TMEM171: variants seen among roughly 807,000 people sequenced by gnomAD.
TMEM171 encodes the protein proline-rich protein PRP2.
A neutral mutation model predicts 19.1 loss-of-function variants in TMEM171; 16 were observed. The observed-to-expected ratio is 0.84, with a 90% confidence interval of 0.57 to 1.27. The LOEUF is 1.27. Ranked by LOEUF, TMEM171 falls within the 50% of genes most tolerant of loss-of-function variation. The pLI is 0.00. For synonymous variants in TMEM171, 153 were observed against 163.4 expected (o/e 0.94, Z 0.48); for missense variants, 429 against 412.7 (o/e 1.04, Z -0.34).
intron 3 of TMEM171, among the ~76,000 whole-genome samples, chr5:73,128,849 T>C (rs964696847): frequency 6.6e-6 from 1 of 152,068 alleles, no homozygotes; most frequent in African/African-American, 2.4e-5. Context: ...TCCCAGCATT[T>C]TGAGAGGCCA....
chr5:73,126,970 T>G (rs761576785), intron 2 of TMEM171, among the ~76,000 whole-genome samples: 58 of 152,160 alleles, frequency 3.8e-4, no homozygotes, highest in Non-Finnish European at 2.2e-4. Flanking sequence ...CCCTAGTTTC[T>G]CCTCAAAACA....
intron 2 of TMEM171, among the ~76,000 whole-genome samples, chr5:73,127,384 A>AAAAAAAAATATATATATATATATATATAT: frequency 3.7e-5 from 3 of 81,684 alleles, no homozygotes; most frequent in African/African-American, 6.6e-5. Context: ...AAAAAAAAAA[A>AAAAAAAAATATATATATATATATATATAT]ATATATATAT....
intron 3 of TMEM171, among the ~76,000 whole-genome samples, chr5:73,129,018 A>C (rs575856946): frequency 1.3e-5 from 2 of 152,318 alleles, no homozygotes; most frequent in Middle Eastern, 3.4e-3. Flanking sequence ...GATTGAACGC[A>C]AGAGACAGAG....
chr5:73,127,369 T>TAAAAAA lies in TMEM171; in HGVS notation c.641-1010_641-1005dup, dbSNP rs150651292. The stretch of plus-strand genomic sequence containing the variant: ...AGGCCTACTTTTAAAAAATTTGTGG[T>TAAAAAA]AAAAAAAAAAAAAAAATATATATAT... On this transcript the variant is annotated intron_variant, in intron 2 of 3. Transcript: ENST00000454765. Among the ~76,000 whole-genome samples, 68 of 97,174 alleles carry TAAAAAA rather than the reference T, an allele frequency of 7.0e-4. 2 individuals are homozygous for TAAAAAA. Among genetic ancestry groups the TAAAAAA allele is most frequent in the African/African-American group, 2.8e-3 (54 of 19,224 alleles). The allele number at this position is 97,174 out of a possible 152,430, so 63.7% of individuals were successfully genotyped here. A position where few individuals can be genotyped will look rare whatever the true frequency, so the allele number is the denominator to read the frequency against.
intron 2 of TMEM171, among the ~76,000 whole-genome samples, chr5:73,127,483 C>A (rs963792094): frequency 2.7e-5 from 4 of 149,706 alleles, no homozygotes; most frequent in African/African-American, 9.9e-5. Flanking sequence ...GTCACCCAGG[C>A]TGGAGTGCAG....
In TMEM171 at chr5:73,120,599, G is replaced by C. The variant is rs1743974729; in HGVS notation, c.-166G>C. ...CAGGACGCGCGGTGGGTAGGGTGCA[G>C]GGCGGCCGGCGCAGCCGAGGCCGCG... On this transcript the variant is annotated 5_prime_UTR_variant, in exon 1 of 4. Coordinates refer to ENST00000454765, the MANE Select transcript of TMEM171 (RefSeq NM_173490.8). 6 of 984,856 alleles carry C rather than the reference G, an allele frequency of 6.1e-6. No individual in the cohort carries two copies. In the South Asian group the frequency reaches 2.8e-4, roughly 46 times the overall value. 61.0% of individuals were successfully genotyped at this position (984,856 alleles called of 1,614,324 possible). A position where few individuals can be genotyped will look rare whatever the true frequency, so the allele number is the denominator to read the frequency against.
chr5:73,123,423 A>G lies in TMEM171; in HGVS notation c.50A>G (p.His17Arg), dbSNP rs959420898. Residue 17 changes from histidine to arginine, a missense_variant, in exon 2 of 4, where the codon CAC (histidine) becomes CGC (arginine). His to Arg is a conservative substitution (Grantham distance 29). Transcript: ENST00000454765. ...CCAGATGGGGACCAGCAGGACAGAC[A>G]CGTCAGCAAACTCATCTTCTGCTTC... The part of the protein sequence containing the change: ...AEPDGDQQDR[H>R]VSKLIFCFFV... 5 of 1,614,202 alleles carry G rather than the reference A, an allele frequency of 3.1e-6. No individual in the cohort carries two copies. The highest frequency in any genetic ancestry group is 4.2e-6 in the Non-Finnish European group (5 of 1,180,018).
At position 73,128,537 on chromosome 5, in the gene TMEM171, A is replaced by G; in HGVS notation, c.782+6A>G. 6.2e-7 allele frequency: 1 copy of G among 1,613,792 alleles called. No homozygotes were observed. Among genetic ancestry groups the G allele is most frequent in the Non-Finnish European group, 8.5e-7 (1 of 1,179,704 alleles). On this transcript the variant is annotated splice_donor_region_variant and intron_variant, in intron 3 of 3. Transcript: ENST00000454765. Reference sequence around the variant, plus strand: ...TACAGTATTTTCAACTATGGGTAAGAATTTCAATTTGAACTTCAAGAGAGG... The same window carrying G: ...TACAGTATTTTCAACTATGGGTAAGGATTTCAATTTGAACTTCAAGAGAGG...
In TMEM171 at chr5:73,131,548, A is replaced by C. The variant is rs768879737; in HGVS notation, c.793A>C (p.Thr265Pro). The C allele has an allele frequency of 6.3e-7, 1 of 1,595,874 alleles. No individual in the cohort carries two copies. The highest frequency in any genetic ancestry group is 8.5e-7 in the Non-Finnish European group (1 of 1,172,604). The change falls in exon 4 of 4, where the codon ACT becomes CCT. Residue 265 changes from threonine to proline, a missense_variant. Coordinates refer to ENST00000454765, the MANE Select transcript of TMEM171 (RefSeq NM_173490.8). Reference protein sequence around the residue: ...YSIFNYGRTPTSEGAASERDC... With the variant: ...YSIFNYGRTPPSEGAASERDC... The stretch of plus-strand genomic sequence containing the variant: ...TCTCCTTCTCTTTAGCAGGACCCCA[A>C]CTTCAGAGGGTGCAGCCTCTGAAAG...
intron 2 of TMEM171, among the ~76,000 whole-genome samples, chr5:73,124,922 C>T (rs1744122318): frequency 6.6e-6 from 1 of 152,166 alleles, no homozygotes; most frequent in East Asian, 1.9e-4. Context: ...AGTTGTGAAA[C>T]CACTGACATT....
At chr5:73,129,620 G>A (rs1744278702) in intron 3 of TMEM171, among the ~76,000 whole-genome samples, 1 of 152,126 alleles carries the variant, frequency 6.6e-6, no homozygotes, top group Non-Finnish European at 1.5e-5. Flanking sequence ...GCAACAGAGA[G>A]AGACTCTATC....
Position 73,127,384 on chromosome 5 carries a change from A to AAAAAATAT in TMEM171, c.641-1005_641-1004insAAAATATA. On this transcript the variant is annotated intron_variant, in intron 2 of 3. Coordinates refer to ENST00000454765, the MANE Select transcript of TMEM171 (RefSeq NM_173490.8). ...AAATTTGTGGTAAAAAAAAAAAAAA[A>AAAAAATAT]ATATATATATATATATATATATAAA... Among the ~76,000 whole-genome samples the AAAAAATAT allele has an allele frequency of 1.8e-4, 15 of 81,678 alleles. No homozygotes were observed. In the South Asian group the frequency reaches 4.0e-3, roughly 22 times the overall value. The allele number at this position is 81,678 out of a possible 152,430, so 53.6% of individuals were successfully genotyped here. A position where few individuals can be genotyped will look rare whatever the true frequency, so the allele number is the denominator to read the frequency against.
chr5:73,120,598 A>G lies in TMEM171; in HGVS notation c.-167A>G. The G allele has an allele frequency of 2.0e-6, 2 of 984,896 alleles. No homozygotes were observed. Among genetic ancestry groups the G allele is most frequent in the East Asian group, 1.1e-4 (1 of 8,758 alleles). 61.0% of individuals were successfully genotyped at this position (984,896 alleles called of 1,614,324 possible). A position where few individuals can be genotyped will look rare whatever the true frequency, so the allele number is the denominator to read the frequency against. On this transcript the variant is annotated 5_prime_UTR_variant, in exon 1 of 4. Transcript: ENST00000454765. ...CCAGGACGCGCGGTGGGTAGGGTGCAGGGCGGCCGGCGCAGCCGAGGCCGC... is the reference window on the plus strand; with the variant it reads ...CCAGGACGCGCGGTGGGTAGGGTGCGGGGCGGCCGGCGCAGCCGAGGCCGC...
At chr5:73,124,047 C>T in intron 2 of TMEM171, 34 bp downstream of exon 2, 1 of 1,497,308 alleles carries the variant, frequency 6.7e-7, no homozygotes, top group Non-Finnish European at 8.9e-7. Flanking sequence ...TTGCTTCTAT[C>T]ACAGTGGCTT....
chr5:73,127,380 A>ATATATATATATATATAT (rs1281485655), intron 2 of TMEM171, among the ~76,000 whole-genome samples: 9 of 61,480 alleles, frequency 1.5e-4, no homozygotes, highest in African/African-American at 7.8e-4. Context: ...AAAAAAAAAA[A>ATATATATATATATATAT]AAAAATATAT....
chr5:73,123,537 G>GC lies in TMEM171; in HGVS notation c.168dup (p.Met57HisfsTer128), dbSNP rs764637570. ...TGCCAATATAAGCCCCTCCCAGACT[G>GC]CCCCATGGTGCTCAAGGTGGCGGGG... On this transcript the variant is annotated frameshift_variant, in exon 2 of 4. Transcript: ENST00000454765. LOFTEE classifies it high-confidence loss of function. The GC allele has an allele frequency of 6.2e-7, 1 of 1,614,222 alleles. No individual in the cohort carries two copies.
intron 2 of TMEM171, among the ~76,000 whole-genome samples, chr5:73,125,643 T>G (rs1255898299): frequency 6.6e-6 from 1 of 152,176 alleles, no homozygotes; most frequent in Non-Finnish European, 1.5e-5. Flanking sequence ...GGGGTACAAG[T>G]AAATATGTTC....
At chr5:73,131,462 T>A in intron 3 of TMEM171, 76 bp from the exon 4 acceptor site, 1 of 1,220,612 alleles carries the variant, frequency 8.2e-7, no homozygotes, top group Non-Finnish European at 1.1e-6. Context: ...AATCAAACAT[T>A]TGAAAAGAAC....
intron 3 of TMEM171, among the ~76,000 whole-genome samples, chr5:73,129,750 C>T (rs1744283950): frequency 6.6e-6 from 1 of 152,214 alleles, no homozygotes; most frequent in East Asian, 1.9e-4. Flanking sequence ...GTGTGAGGGT[C>T]TCAGGGGATC....
Sources: allele counts gnomAD v4.1 joint callset (sites outside exome capture counted in the v4.1 genomes callset), GRCh38; gene constraint gnomAD v4.1.1; transcripts MANE v1.5; gene names NCBI Gene and HGNC (gene_info 2026-07-23, HGNC 2026-07-21).